The following GRID2 variants were observed in gnomAD, a reference collection of about 807,000 sequenced individuals.
The protein encoded by GRID2 is glutamate receptor ionotropic, delta-2.
GRID2 carries 33 observed loss-of-function variants against 114.8 expected under a neutral mutation model. The observed-to-expected ratio is 0.29, with a 90% confidence interval of 0.22 to 0.38. The LOEUF (loss-of-function observed/expected upper bound fraction) is 0.38. Among genes scored for constraint, GRID2 ranks in the 10% least tolerant of loss-of-function variants. The pLI is 1.00. For missense variants in GRID2, 1,184 were observed against 1,257.7 expected (o/e 0.94, Z 0.89); for synonymous variants, 505 against 449.9 (o/e 1.12, Z -1.55).
chr4:93,558,279 A>G (rs1470854372), intron 13 of GRID2, among the ~76,000 whole-genome samples: 1 of 152,204 alleles, frequency 6.6e-6, no homozygotes, highest in Non-Finnish European at 1.5e-5. Context: ...AAACCCTTCA[A>G]AAATCAATGA....
At chr4:93,160,916 C>T (rs915106551) in intron 4 of GRID2, among the ~76,000 whole-genome samples, 45 of 151,714 alleles carry the variant, frequency 3.0e-4, no homozygotes, top group African/African-American at 1.1e-3. Flanking sequence ...AACACTTTGT[C>T]TACACCAGAA....
intron 8 of GRID2, among the ~76,000 whole-genome samples, chr4:93,316,639 G>C (rs770291412): frequency 2.3e-4 from 35 of 152,120 alleles, no homozygotes; most frequent in Non-Finnish European, 4.1e-4. Flanking sequence ...TTCCTTAAAA[G>C]GACAAATACA....
chr4:92,767,928 A>T, intron 2 of GRID2, among the ~76,000 whole-genome samples: 1 of 152,136 alleles, frequency 6.6e-6, no homozygotes, highest in Middle Eastern at 3.4e-3. Context: ...AAAAAAAAAA[A>T]AAAATTTAAT....
At chr4:92,544,275 T>C (rs1284596917) in intron 1 of GRID2, among the ~76,000 whole-genome samples, 1 of 152,180 alleles carries the variant, frequency 6.6e-6, no homozygotes, top group Non-Finnish European at 1.5e-5. Flanking sequence ...TCATGTAAAC[T>C]GATGAACCAC....
intron 11 of GRID2, among the ~76,000 whole-genome samples, chr4:93,469,303 A>G (rs963943891): frequency 1.3e-5 from 2 of 152,104 alleles, no homozygotes; most frequent in African/African-American, 4.8e-5. Flanking sequence ...CTTGAAATGT[A>G]TTTGGAAAGA....
chr4:93,667,504 G>T (rs553189819), intron 14 of GRID2, among the ~76,000 whole-genome samples: 3 of 151,754 alleles, frequency 2.0e-5, no homozygotes, highest in Non-Finnish European at 4.4e-5. Flanking sequence ...CTACCATGAA[G>T]TGTCATTGAT....
intron 2 of GRID2, among the ~76,000 whole-genome samples, chr4:92,601,116 G>C (rs1416805927): frequency 6.6e-6 from 1 of 152,184 alleles, no homozygotes; most frequent in Non-Finnish European, 1.5e-5. Context: ...CCCATCCAGT[G>C]AGGAAGGATC....
At chr4:92,723,582 C>A (rs1170538273) in intron 2 of GRID2, among the ~76,000 whole-genome samples, 2 of 152,120 alleles carry the variant, frequency 1.3e-5, no homozygotes, top group African/African-American at 2.4e-5. Flanking sequence ...TCTAATCAAT[C>A]TGTACTTTGA....
chr4:92,508,902 G>T (rs945774439), intron 1 of GRID2, among the ~76,000 whole-genome samples: 1 of 151,842 alleles, frequency 6.6e-6, no homozygotes, highest in African/African-American at 2.4e-5. Flanking sequence ...CTGTAGAGGT[G>T]TTGAGCAGTA....
intron 8 of GRID2, among the ~76,000 whole-genome samples, chr4:93,259,223 A>G (rs1331407701): frequency 1.3e-5 from 2 of 151,828 alleles, no homozygotes; most frequent in African/African-American, 4.8e-5. Flanking sequence ...GGATTGCCCT[A>G]CAGCACCATG....
At chr4:93,259,868 T>A (rs1750059529) in intron 8 of GRID2, among the ~76,000 whole-genome samples, 1 of 151,750 alleles carries the variant, frequency 6.6e-6, no homozygotes, top group Non-Finnish European at 1.5e-5. Context: ...GGGCATGTGT[T>A]AAAAATATGT....
At chr4:92,471,644 T>C (rs1247325374) in intron 1 of GRID2, among the ~76,000 whole-genome samples, 2 of 152,082 alleles carry the variant, frequency 1.3e-5, no homozygotes, top group Non-Finnish European at 2.9e-5. Flanking sequence ...TATACTAACT[T>C]AAACAAATTT....
At chr4:92,711,707 A>G (rs1242021012) in intron 2 of GRID2, among the ~76,000 whole-genome samples, 1 of 152,148 alleles carries the variant, frequency 6.6e-6, no homozygotes, top group Non-Finnish European at 1.5e-5. Flanking sequence ...GTTTGAGAAC[A>G]GCCTGGGCAA....
intron 3 of GRID2, among the ~76,000 whole-genome samples, chr4:93,100,843 T>A (rs1731631516): frequency 6.6e-6 from 1 of 152,070 alleles, no homozygotes; most frequent in Non-Finnish European, 1.5e-5. Flanking sequence ...AATTCAATAT[T>A]TTAAAAGTGA....
chr4:92,609,205 A>G (rs1373556387), intron 2 of GRID2, among the ~76,000 whole-genome samples: 1 of 151,696 alleles, frequency 6.6e-6, no homozygotes, highest in Non-Finnish European at 1.5e-5. Flanking sequence ...AATATATAAC[A>G]GTCTGCTCGA....
chr4:92,931,174 A>G (rs1348559449), intron 2 of GRID2, among the ~76,000 whole-genome samples: 5 of 151,142 alleles, frequency 3.3e-5, no homozygotes, highest in African/African-American at 1.2e-4. Flanking sequence ...AGAGTTTGCT[A>G]TAGGATTGAA....
chr4:93,534,455 A>T (rs1578206697), intron 13 of GRID2, among the ~76,000 whole-genome samples: 1 of 152,118 alleles, frequency 6.6e-6, no homozygotes, highest in Admixed American at 6.6e-5. Flanking sequence ...GCAAATTTTC[A>T]GTATACCATT....
chr4:92,464,948 G>T (rs1012391372), intron 1 of GRID2, among the ~76,000 whole-genome samples: 2 of 152,010 alleles, frequency 1.3e-5, no homozygotes, highest in Non-Finnish European at 2.9e-5. Context: ...AAGTTCTCAG[G>T]AGATCTGGTT....
intron 1 of GRID2, among the ~76,000 whole-genome samples, chr4:92,305,833 TC>T (rs1725374561): frequency 6.6e-6 from 1 of 152,236 alleles, no homozygotes; most frequent in South Asian, 2.1e-4. Context: ...TGCGACGATT[TC>T]TTTTTCGGAA....
Sources: allele counts gnomAD v4.1 joint callset (sites outside exome capture counted in the v4.1 genomes callset), GRCh38; gene constraint gnomAD v4.1.1; transcripts MANE v1.5; gene names NCBI Gene and HGNC (gene_info 2026-07-23, HGNC 2026-07-21).